TMEM116: variants seen among roughly 807,000 people sequenced by gnomAD.
TMEM116 encodes transmembrane protein 116.
TMEM116 carries 38 observed loss-of-function variants against 44.3 expected under a neutral mutation model. The ratio of observed to expected loss-of-function variants is 0.86; its 90% CI spans 0.66 to 1.12. TMEM116 has a LOEUF of 1.12. Among genes scored for constraint, TMEM116 ranks in the 50% most tolerant of loss-of-function variants. The pLI is 0.00. For missense variants in TMEM116, 354 were observed against 401.7 expected (o/e 0.88, Z 1.01); for synonymous variants, 132 against 144.8 (o/e 0.91, Z 0.64).
chr12:111,942,418 G>A (rs1163352310), intron 5 of TMEM116, among the ~76,000 whole-genome samples: 6 of 151,892 alleles, frequency 4.0e-5, no homozygotes, highest in East Asian at 1.9e-4. Flanking sequence ...GACTACAGGC[G>A]CCCGCCACCA....
At chr12:111,985,289 C>CAA (rs769110969) in intron 4 of TMEM116, among the ~76,000 whole-genome samples, 9 of 151,846 alleles carry the variant, frequency 5.9e-5, no homozygotes, top group Non-Finnish European at 1.2e-4. Context: ...CACACACACA[C>CAA]ACACACACAC....
At chr12:111,968,117 G>A (rs1327156157) in intron 4 of TMEM116, among the ~76,000 whole-genome samples, 1 of 152,074 alleles carries the variant, frequency 6.6e-6, no homozygotes, top group African/African-American at 2.4e-5. Flanking sequence ...GATTTGCAGA[G>A]GATTTGCAAG....
chr12:111,947,104 T>C (rs537053253), intron 4 of TMEM116, among the ~76,000 whole-genome samples: 4 of 152,218 alleles, frequency 2.6e-5, no homozygotes, highest in African/African-American at 7.2e-5. Flanking sequence ...CATATTGTTA[T>C]ATTGGGTTTT....
At chr12:111,956,471 T>C (rs971036612) in intron 4 of TMEM116, among the ~76,000 whole-genome samples, 3 of 152,056 alleles carry the variant, frequency 2.0e-5, no homozygotes, top group East Asian at 1.9e-4. Flanking sequence ...AACAGAAGAA[T>C]AGCATCAACA....
At chr12:112,005,847 AG>A in intron 1 of TMEM116, 1 of 899,930 alleles carries the variant, frequency 1.1e-6, no homozygotes, top group Admixed American at 6.2e-5. Flanking sequence ...GAGAAACTGA[AG>A]AAAAGTTAGT....
intron 3 of TMEM116, among the ~76,000 whole-genome samples, chr12:112,001,620 T>C (rs2077263108): frequency 1.3e-5 from 2 of 152,202 alleles, no homozygotes; most frequent in Admixed American, 1.3e-4. Context: ...TCAATAAAGC[T>C]GAGGTTGAGA....
At chr12:111,942,785 T>G (rs1357862003) in intron 5 of TMEM116, among the ~76,000 whole-genome samples, 1 of 151,332 alleles carries the variant, frequency 6.6e-6, no homozygotes, top group Non-Finnish European at 1.5e-5. Flanking sequence ...TGTGTGTGGG[T>G]GTGTGTGTGG....
At chr12:111,965,681 T>G (rs1264607298) in intron 4 of TMEM116, 1 of 384,052 alleles carries the variant, frequency 2.6e-6, no homozygotes, top group Non-Finnish European at 5.1e-6. Context: ...TCCCAGCACT[T>G]TGGGAGGCCC....
intron 4 of TMEM116, among the ~76,000 whole-genome samples, chr12:111,972,690 C>A (rs1256960600): frequency 6.6e-6 from 1 of 151,958 alleles, no homozygotes. Flanking sequence ...ACCACCCTAG[C>A]CAAAATGGTG....
intron 8 of TMEM116, chr12:111,934,919 A>G (rs2072008552): frequency 1.3e-5 from 2 of 152,030 alleles, no homozygotes; most frequent in Non-Finnish European, 2.9e-5. Context: ...ATTAGATAAC[A>G]CTCTTGGTAA....
At chr12:111,959,139 C>CA (rs1420919488) in intron 4 of TMEM116, among the ~76,000 whole-genome samples, 1 of 152,226 alleles carries the variant, frequency 6.6e-6, no homozygotes, top group African/African-American at 2.4e-5. Context: ...ATCAGACTAA[C>CA]AGTAGATCTC....
intron 4 of TMEM116, among the ~76,000 whole-genome samples, chr12:111,968,822 G>A (rs996585000): frequency 4.0e-5 from 6 of 151,580 alleles, no homozygotes; most frequent in African/African-American, 9.7e-5. Flanking sequence ...GTGAAACCCC[G>A]TCTCTACTAA....
At chr12:111,950,728 C>G (rs1008272479) in intron 4 of TMEM116, among the ~76,000 whole-genome samples, 1 of 152,026 alleles carries the variant, frequency 6.6e-6, no homozygotes, top group South Asian at 2.1e-4. Context: ...CTATAAAAAT[C>G]CTGGAAGACA....
chr12:111,936,956 T>C, intron 7 of TMEM116, 126 bp from the exon 8 acceptor site: 1 of 1,096,448 alleles, frequency 9.1e-7, no homozygotes, highest in East Asian at 2.5e-5. Context: ...ACCTTGTCTC[T>C]CCCCCACAGA....
chr12:111,970,745 C>T (rs970796223), intron 4 of TMEM116, among the ~76,000 whole-genome samples: 1 of 152,070 alleles, frequency 6.6e-6, no homozygotes, highest in Non-Finnish European at 1.5e-5. Context: ...TGCCACCATG[C>T]CCAGCTAATT....
At chr12:111,972,247 A>G (rs1041447627) in intron 4 of TMEM116, among the ~76,000 whole-genome samples, 1 of 152,162 alleles carries the variant, frequency 6.6e-6, no homozygotes, top group Admixed American at 6.5e-5. Flanking sequence ...TTCAAAATGA[A>G]GAAGGCCATT....
In TMEM116 at chr12:111,931,639, A is replaced by G. The variant is rs1457614127; in HGVS notation, c.996T>C (p.Ser332=). The G allele has an allele frequency of 6.2e-7, 1 of 1,614,094 alleles. No individual in the cohort carries two copies. The highest frequency in any genetic ancestry group is 1.7e-5 in the Admixed American group (1 of 60,002). Residue 332 remains serine (S), a synonymous_variant, in exon 11 of 11, where the codon AGT becomes AGC. Transcript: ENST00000552374. The stretch of plus-strand genomic sequence containing the variant: ...TGTAGTTTCAAAAAATGGTAGAAGT[A>G]CTGGCAGGAAAAGTCAGGGTGGATT... The part of the protein sequence containing the change: ...SLESTLTFPA[S]TSTIF
chr12:111,936,065 T>A (rs1321283891), intron 8 of TMEM116: 1 of 152,140 alleles, frequency 6.6e-6, no homozygotes, highest in East Asian at 1.9e-4. Context: ...ATTCTTGAAC[T>A]GAAATATAAA....
intron 8 of TMEM116, chr12:111,934,263 C>G (rs1175128487): frequency 6.5e-6 from 3 of 459,754 alleles, no homozygotes; most frequent in Non-Finnish European, 1.2e-5. Flanking sequence ...TTGTGTATCA[C>G]GTTTAACACA....
Sources: gnomAD v4.1 joint callset for allele counts (sites outside exome capture counted in the v4.1 genomes callset) on GRCh38, gnomAD v4.1.1 for gene constraint, MANE v1.5 for transcripts, NCBI Gene and HGNC (gene_info 2026-07-23, HGNC 2026-07-21) for gene names.